Variants in MAD1L1 observed in about 807,000 individuals in gnomAD.
MAD1L1 encodes the protein mitotic arrest deficient 1 like 1.
A neutral mutation model predicts 96.9 loss-of-function variants in MAD1L1; 95 were observed. The observed-to-expected ratio is 0.98, with a 90% CI of 0.83 to 1.16. The LOEUF is 1.16. MAD1L1 is among the 50% of genes most tolerant of loss of function. MAD1L1 has a pLI of 0.00. For missense variants in MAD1L1, 1,007 were observed against 954.4 expected, an observed-to-expected ratio of 1.06 and a Z score of -0.73; for synonymous variants, 473 against 396.6, an observed-to-expected ratio of 1.19 and a Z score of -2.29.
chr7:2,092,024 C>G (rs1786241237), intron 11 of MAD1L1, among the ~76,000 whole-genome samples: 1 of 152,218 alleles, frequency 6.6e-6, no homozygotes, highest in South Asian at 2.1e-4. Context: ...GCCATCAGGT[C>G]ATACGATAAG....
intron 12 of MAD1L1, among the ~76,000 whole-genome samples, chr7:2,036,579 A>C (rs977062948): frequency 1.3e-5 from 2 of 152,196 alleles, no homozygotes; most frequent in Non-Finnish European, 2.9e-5. Flanking sequence ...CCAGGTTGTC[A>C]CTGGAGAGCA....
chr7:2,056,104 C>A (rs1446036861), intron 12 of MAD1L1, among the ~76,000 whole-genome samples: 2 of 152,220 alleles, frequency 1.3e-5, no homozygotes, highest in East Asian at 1.9e-4. Flanking sequence ...ACAGAGCTGA[C>A]CCCCCGACGC....
Position 1,815,823 on chromosome 7 carries a change from G to GTGAGGAACC in MAD1L1, c.*238_*246dup. 4 of 524,876 alleles carry GTGAGGAACC rather than the reference G, an allele frequency of 7.6e-6. No homozygotes were observed. The highest frequency in any genetic ancestry group is 1.4e-5 in the Non-Finnish European group (4 of 293,454). 32.5% of individuals were successfully genotyped at this position (524,876 alleles called of 1,614,324 possible). A position where few individuals can be genotyped will look rare whatever the true frequency, so the allele number is the denominator to read the frequency against. ...AGGGGAGAAGATTTTATTTCACAAG[G>GTGAGGAACC]TGAGGAACCCAGGCTGGTGGCCGAC... is the stretch of plus-strand genomic sequence containing the variant. On this transcript the variant is annotated 3_prime_UTR_variant, in exon 19 of 19. Transcript: ENST00000265854.
chr7:1,970,761 TG>T (rs1326251837), intron 15 of MAD1L1, among the ~76,000 whole-genome samples: 2 of 152,214 alleles, frequency 1.3e-5, no homozygotes, highest in East Asian at 3.9e-4. Context: ...GGGGGAATGG[TG>T]GTAGAATTGT....
rs60466584 is a variant in MAD1L1, at chr7:2,038,498, C to CTTTTTTTTTTTTTTTTTTTTTTT, written c.1219-23879_1219-23857dup. ...TGTTAGGAGATAATGAAGCTGATGA[C>CTTTTTTTTTTTTTTTTTTTTTTT]TTTTTTTTTTTTTTTTTTTTTTTTT... On this transcript the variant is annotated intron_variant, in intron 12 of 18. Coordinates refer to ENST00000265854, the MANE Select transcript of MAD1L1 (RefSeq NM_001013836.2). Among the ~76,000 whole-genome samples the CTTTTTTTTTTTTTTTTTTTTTTT allele has an allele frequency of 3.2e-5, 3 of 92,826 alleles. 1 individual carries two copies. Among genetic ancestry groups the CTTTTTTTTTTTTTTTTTTTTTTT allele is most frequent in the Non-Finnish European group, 6.5e-5 (3 of 46,294 alleles). The allele number at this position is 92,826 out of a possible 152,430, so 60.9% of individuals were successfully genotyped here. A position where few individuals can be genotyped will look rare whatever the true frequency, so the allele number is the denominator to read the frequency against.
At chr7:1,947,968 C>T (rs942373165) in intron 16 of MAD1L1, among the ~76,000 whole-genome samples, 1 of 152,190 alleles carries the variant, frequency 6.6e-6, no homozygotes, top group African/African-American at 2.4e-5. Flanking sequence ...GAAACTGAGG[C>T]CCAAGGAGGG....
intron 10 of MAD1L1, among the ~76,000 whole-genome samples, chr7:2,184,349 G>C (rs1791357627): frequency 6.6e-6 from 1 of 152,112 alleles, no homozygotes; most frequent in East Asian, 1.9e-4. Context: ...CCAAAAGTCG[G>C]TAACGCCACA....
chr7:2,091,335 G>A (rs570237604), intron 11 of MAD1L1, among the ~76,000 whole-genome samples: 1 of 152,192 alleles, frequency 6.6e-6, no homozygotes, highest in African/African-American at 2.4e-5. Context: ...TCCGGGCCCC[G>A]CAGCAGTACA....
intron 17 of MAD1L1, among the ~76,000 whole-genome samples, chr7:1,920,378 C>G (rs192909796): frequency 1.1e-4 from 16 of 152,340 alleles, no homozygotes; most frequent in South Asian, 2.1e-4. Context: ...GGAGCAGGGG[C>G]AGAGAAAGTC....
At chr7:2,092,038 G>A (rs574085115) in intron 11 of MAD1L1, among the ~76,000 whole-genome samples, 29 of 152,288 alleles carry the variant, frequency 1.9e-4, no homozygotes, top group Middle Eastern at 3.4e-3. Flanking sequence ...CGATAAGACC[G>A]TGTTTGGCTT....
At chr7:1,969,281 G>A (rs1242971054) in intron 15 of MAD1L1, among the ~76,000 whole-genome samples, 2 of 152,168 alleles carry the variant, frequency 1.3e-5, no homozygotes, top group African/African-American at 4.8e-5. Flanking sequence ...CTACTCGGGA[G>A]GCTGAGGCAG....
chr7:1,820,344 C>T (rs1200531224), intron 18 of MAD1L1, among the ~76,000 whole-genome samples: 2 of 152,118 alleles, frequency 1.3e-5, no homozygotes, highest in African/African-American at 2.4e-5. Flanking sequence ...GATCTCAAAT[C>T]GCTTCTCTAA....
intron 18 of MAD1L1, among the ~76,000 whole-genome samples, chr7:1,871,381 C>A (rs1785085628): frequency 6.7e-6 from 1 of 148,166 alleles, no homozygotes; most frequent in Non-Finnish European, 1.5e-5. Flanking sequence ...CCACGCTGAA[C>A]CCACCGTAAC....
At chr7:2,180,466 CA>C (rs1791150685) in intron 10 of MAD1L1, among the ~76,000 whole-genome samples, 2 of 152,292 alleles carry the variant, frequency 1.3e-5, no homozygotes, top group South Asian at 4.1e-4. Context: ...TAGAGGCAAA[CA>C]AAAAACTGTC....
intron 11 of MAD1L1, among the ~76,000 whole-genome samples, chr7:2,112,412 C>T (rs1423859324): frequency 1.3e-5 from 2 of 152,184 alleles, no homozygotes; most frequent in Admixed American, 6.5e-5. Flanking sequence ...GGAAACACAA[C>T]GGCACCCACG....
chr7:1,831,808 C>T (rs763908164), intron 18 of MAD1L1, among the ~76,000 whole-genome samples: 17 of 152,238 alleles, frequency 1.1e-4, no homozygotes, highest in Admixed American at 7.2e-4. Context: ...GATGACAGCA[C>T]ATCTGTTCAA....
chr7:1,915,096 G>A (rs4721190), intron 17 of MAD1L1, among the ~76,000 whole-genome samples: 50,379 of 152,110 alleles, frequency 0.33, 10,043 homozygotes, highest in Admixed American at 0.48. Context: ...CCTCAGAAGC[G>A]CTGCTCAGCT....
At chr7:2,033,392 C>T (rs7803310) in intron 12 of MAD1L1, among the ~76,000 whole-genome samples, 1 of 152,112 alleles carries the variant, frequency 6.6e-6, no homozygotes, top group Admixed American at 6.5e-5. Flanking sequence ...GGCTGTGGGC[C>T]CCGAAGCAGT....
At chr7:1,998,698 T>C (rs1342237223) in intron 14 of MAD1L1, among the ~76,000 whole-genome samples, 1 of 152,114 alleles carries the variant, frequency 6.6e-6, no homozygotes, top group Non-Finnish European at 1.5e-5. Context: ...GGCTGGGAAC[T>C]AGGAAGGCTC....
Sources: gnomAD v4.1 joint callset for allele counts (sites outside exome capture counted in the v4.1 genomes callset) on GRCh38, gnomAD v4.1.1 for gene constraint, MANE v1.5 for transcripts, NCBI Gene and HGNC (gene_info 2026-07-23, HGNC 2026-07-21) for gene names.